The following RNF220 variants were observed in gnomAD, a reference collection of about 807,000 sequenced individuals.
RNF220 encodes the protein E3 ubiquitin-protein ligase RNF220.
RNF220 carries 7 observed loss-of-function variants against 67.1 expected under a neutral mutation model. That is an observed-to-expected ratio of 0.10 (90% CI 0.06 to 0.20). The LOEUF is 0.20. RNF220 is among the 10% of genes least tolerant of loss of function. The pLI, the probability that RNF220 is intolerant of heterozygous loss-of-function variation, is 1.00. For missense variants in RNF220, 565 were observed against 740.3 expected, an observed-to-expected ratio of 0.76 and a Z score of 2.75; for synonymous variants, 270 against 283.2, an observed-to-expected ratio of 0.95 and a Z score of 0.47.
Position 44,621,861 on chromosome 1 carries a change from C to T in RNF220, c.759-881C>T, listed in dbSNP as rs1251942684. Among the ~76,000 whole-genome samples, 3 of 152,134 alleles carry T rather than the reference C, an allele frequency of 2.0e-5. No homozygotes were observed. The highest frequency in any genetic ancestry group is 6.5e-5 in the Admixed American group (1 of 15,270). On this transcript the variant is annotated intron_variant, in intron 3 of 14. Transcript: ENST00000361799. The surrounding 1 kb of genome is among the most constrained non-coding windows in gnomAD (Gnocchi z 4.8). ...TATGTGAATGGGCTGTGTCTGCCTC[C>T]GTGCATTCATCAGCCAGCACTTCTG...
At chr1:44,434,268 G>T (rs1378473859) in intron 2 of RNF220, among the ~76,000 whole-genome samples, 1 of 152,136 alleles carries the variant, frequency 6.6e-6, no homozygotes, top group Non-Finnish European at 1.5e-5. Context: ...GAATGAATTT[G>T]GGAGAATATG....
intron 2 of RNF220, among the ~76,000 whole-genome samples, chr1:44,427,087 T>C (rs1354717659): frequency 2.6e-5 from 4 of 152,202 alleles, no homozygotes; most frequent in Non-Finnish European, 5.9e-5. Context: ...TAATAATTGA[T>C]TTAATCCTCA....
intron 2 of RNF220, among the ~76,000 whole-genome samples, chr1:44,495,132 G>T (rs926337536): frequency 3.9e-5 from 6 of 152,112 alleles, no homozygotes; most frequent in African/African-American, 1.4e-4. Flanking sequence ...AGGATCACTT[G>T]AGGCTGGGAG....
At chr1:44,557,795 G>A (rs1252133073) in intron 2 of RNF220, among the ~76,000 whole-genome samples, 1 of 152,088 alleles carries the variant, frequency 6.6e-6, no homozygotes, top group Non-Finnish European at 1.5e-5. Context: ...AGGATCTTGT[G>A]AATAAGTTTC....
chr1:44,651,015 C>A lies in RNF220; in HGVS notation c.*240C>A, dbSNP rs1644775432. On this transcript the variant is annotated 3_prime_UTR_variant, in exon 15 of 15. Transcript: ENST00000361799. ...CTATGGTTTGGGGGCCATACCTGTT[C>A]CAGCTCTGTTCCCAGGGTGGGGCAG... 1 of 538,626 alleles carries A rather than the reference C, an allele frequency of 1.9e-6. No homozygotes were observed. The allele number at this position is 538,626 out of a possible 1,614,324, so 33.4% of individuals were successfully genotyped here.
chr1:44,511,777 CG>C (rs1294141958), intron 2 of RNF220, among the ~76,000 whole-genome samples: 3 of 152,084 alleles, frequency 2.0e-5, no homozygotes, highest in Admixed American at 6.5e-5. Context: ...AGAAGTGAAA[CG>C]GATGTGACTC....
At chr1:44,430,306 A>G (rs1043509873) in intron 2 of RNF220, among the ~76,000 whole-genome samples, 1 of 152,050 alleles carries the variant, frequency 6.6e-6, no homozygotes, top group African/African-American at 2.4e-5. Context: ...TATGATTTTA[A>G]AAAGTTAATT....
Position 44,621,196 on chromosome 1 carries a change from G to T in RNF220, c.759-1546G>T, listed in dbSNP as rs923433143. Among the ~76,000 whole-genome samples, 1 of 152,178 alleles carries T rather than the reference G, an allele frequency of 6.6e-6. No individual in the cohort carries two copies. Among genetic ancestry groups the T allele is most frequent in the Non-Finnish European group, 1.5e-5 (1 of 68,028 alleles). The stretch of plus-strand genomic sequence containing the variant: ...CTCACAAAGTGCTGGGATTATAGGC[G>T]TGAGCCACTGCACCGGACCATGCAT... On this transcript the variant is annotated intron_variant, in intron 3 of 14. Transcript: ENST00000361799. This position sits in a 1 kb window ranked among gnomAD's most constrained non-coding sequence, Gnocchi z 4.8.
intron 2 of RNF220, among the ~76,000 whole-genome samples, chr1:44,497,058 A>G: frequency 6.6e-6 from 1 of 151,702 alleles, no homozygotes; most frequent in East Asian, 1.9e-4. Context: ...TGGGGATAGG[A>G]CCCCTGGGAC....
chr1:44,554,798 C>T (rs1662939313), intron 2 of RNF220, among the ~76,000 whole-genome samples: 2 of 152,128 alleles, frequency 1.3e-5, no homozygotes, highest in African/African-American at 2.4e-5. Context: ...ACCTTCACCA[C>T]CCACCTTTTC....
chr1:44,448,448 A>G (rs191737264), intron 2 of RNF220, among the ~76,000 whole-genome samples: 50 of 152,332 alleles, frequency 3.3e-4, no homozygotes, highest in African/African-American at 1.2e-3. Context: ...TAAATTTGAT[A>G]AGGGCAATAT....
intron 6 of RNF220, among the ~76,000 whole-genome samples, chr1:44,633,372 G>C (rs1429098167): frequency 6.6e-6 from 1 of 152,210 alleles, no homozygotes; most frequent in African/African-American, 2.4e-5. Flanking sequence ...ACCAAAGCCC[G>C]TGTTTCTCCA....
intron 2 of RNF220, among the ~76,000 whole-genome samples, chr1:44,439,172 G>A (rs377711524): frequency 5.8e-4 from 88 of 152,252 alleles, no homozygotes; most frequent in African/African-American, 1.9e-3. Context: ...TCTTTATGCC[G>A]CTTGCCGGAT....
intron 2 of RNF220, among the ~76,000 whole-genome samples, chr1:44,516,475 T>C (rs1285044183): frequency 6.6e-6 from 1 of 152,222 alleles, no homozygotes; most frequent in African/African-American, 2.4e-5. Flanking sequence ...GTTGGATGCA[T>C]GAATTTTAAG....
At chr1:44,644,165 T>A (rs886588414) in intron 8 of RNF220, 3 of 156,268 alleles carry the variant, frequency 1.9e-5, no homozygotes, top group Admixed American at 6.1e-5. Context: ...ACACCAAATA[T>A]TTGAACAGCT....
chr1:44,625,301 CTGGGGTA>C (rs1219246403), intron 4 of RNF220, among the ~76,000 whole-genome samples: 3 of 152,344 alleles, frequency 2.0e-5, no homozygotes, highest in Non-Finnish European at 4.4e-5. Context: ...CCTCCAGCTC[CTGGGGTA>C]TGGGCAAGTC....
chr1:44,512,858 C>T (rs1440863284), intron 2 of RNF220, among the ~76,000 whole-genome samples: 2 of 152,186 alleles, frequency 1.3e-5, no homozygotes, highest in East Asian at 3.9e-4. Context: ...AGCGAGTTTC[C>T]CAACAGTGAG....
At chr1:44,521,152 C>T (rs1293111887) in intron 2 of RNF220, among the ~76,000 whole-genome samples, 2 of 152,200 alleles carry the variant, frequency 1.3e-5, no homozygotes, top group Non-Finnish European at 2.9e-5. Context: ...CCAACTTGGC[C>T]TCCCAAAGTG....
At chr1:44,568,228 G>T (rs148975871) in intron 2 of RNF220, among the ~76,000 whole-genome samples, 55 of 152,230 alleles carry the variant, frequency 3.6e-4, no homozygotes, top group African/African-American at 1.3e-3. Context: ...CCTTACTGTG[G>T]CCACAAGGCC....
Sources: allele counts gnomAD v4.1 joint callset (sites outside exome capture counted in the v4.1 genomes callset), GRCh38; gene constraint gnomAD v4.1.1; non-coding constraint Gnocchi (gnomAD v3.1); transcripts MANE v1.5; gene names NCBI Gene and HGNC (gene_info 2026-07-23, HGNC 2026-07-21).